Variants in RYR2 observed in about 807,000 individuals in gnomAD.
RYR2 encodes cardiac muscle ryanodine receptor-calcium release channel.
RYR2 carries 227 observed loss-of-function variants against 601.1 expected under a neutral mutation model. That is an observed-to-expected ratio of 0.38 (90% CI 0.34 to 0.42). RYR2 has a LOEUF of 0.42. Ranked by LOEUF, RYR2 falls within the 10% of genes least tolerant of loss-of-function variation. The pLI is 1.00. For missense variants in RYR2, 4,646 were observed against 6,156.5 expected (o/e 0.75, Z 8.21); for synonymous variants, 2,223 against 2,175.1 (o/e 1.02, Z -0.61).
At position 237,125,935 on chromosome 1, in the gene RYR2, T is replaced by A. The variant is rs139696381; in HGVS notation, c.48+83366T>A. On this transcript the variant is annotated intron_variant, in intron 1 of 104. Transcript: ENST00000366574. ...AATATCCGTTTTTAAAGTGCCACTA[T>A]CTCTAATGTACAAAACTGAGGCCGG... 1.9e-4 allele frequency among the ~76,000 whole-genome samples: 29 copies of A among 152,350 alleles called. No homozygotes were observed. In the East Asian group the frequency reaches 5.2e-3, roughly 27 times the overall value.
At chr1:237,695,460 G>GGTCC (rs1399397065) in intron 63 of RYR2, among the ~76,000 whole-genome samples, 2 of 152,134 alleles carry the variant, frequency 1.3e-5, no homozygotes, top group African/African-American at 2.4e-5. Context: ...AATACTGTGA[G>GGTCC]TTGAAAAGTA....
chr1:237,828,308 T>TG lies in RYR2; in HGVS notation c.14591-67dup, dbSNP rs554460933. On this transcript the variant is annotated intron_variant, in intron 101 of 104. Coordinates refer to ENST00000366574, the MANE Select transcript of RYR2 (RefSeq NM_001035.3). ...GGTAGTTGTACATCTCCCCTTTCCC[T>TG]GGGGGGATTAGCCAAGGAACTGAAT... 7 of 1,077,462 alleles carry TG rather than the reference T, an allele frequency of 6.5e-6. No individual in the cohort carries two copies. In the Admixed American group the frequency reaches 1.0e-4, roughly 16 times the overall value. 66.7% of individuals were successfully genotyped at this position (1,077,462 alleles called of 1,614,324 possible).
intron 8 of RYR2, among the ~76,000 whole-genome samples, chr1:237,380,015 A>T (rs988250902): frequency 1.3e-5 from 2 of 152,158 alleles, no homozygotes; most frequent in African/African-American, 4.8e-5. Flanking sequence ...CAAATCAAAC[A>T]CATACAGAGC....
At chr1:237,349,417 A>G (rs1177598376) in intron 3 of RYR2, among the ~76,000 whole-genome samples, 5 of 152,190 alleles carry the variant, frequency 3.3e-5, no homozygotes, top group African/African-American at 9.6e-5. Flanking sequence ...GATAATTTAG[A>G]TACAGGAGAT....
intron 1 of RYR2, among the ~76,000 whole-genome samples, chr1:237,144,354 G>A (rs748174809): frequency 1.3e-5 from 2 of 152,136 alleles, no homozygotes; most frequent in African/African-American, 4.8e-5. Flanking sequence ...GACCATTGGT[G>A]TTAACTCATT....
At chr1:237,746,579 G>A (rs926433725) in intron 80 of RYR2, among the ~76,000 whole-genome samples, 1 of 151,874 alleles carries the variant, frequency 6.6e-6, no homozygotes, top group Admixed American at 6.6e-5. Flanking sequence ...AAATTAAAAC[G>A]TGCCTGATTT....
chr1:237,399,950 C>T (rs1360793568), intron 10 of RYR2, among the ~76,000 whole-genome samples: 1 of 152,042 alleles, frequency 6.6e-6, no homozygotes, highest in African/African-American at 2.4e-5. Flanking sequence ...AAGAAGTTAA[C>T]AGGCTAAACC....
intron 9 of RYR2, 144 bp from the exon 10 acceptor site, chr1:237,387,941 GTC>G (rs67140198): frequency 1.5e-6 from 1 of 686,982 alleles, no homozygotes; most frequent in Admixed American, 2.5e-5. Flanking sequence ...AGCAGGCACT[GTC>G]TATCTCTGTG....
rs537424639 is a variant in RYR2 at position 237,770,253 on chromosome 1, G to A, written c.11477-554G>A. 5.9e-5 allele frequency among the ~76,000 whole-genome samples: 9 copies of A among 152,180 alleles called. No individual in the cohort carries two copies. In the East Asian group the frequency reaches 1.2e-3, roughly 20 times the overall value. ...TTTCAGAAATCTTTCTTTTTATTCA[G>A]TAGTCAACCTGATAACAAAGTTAAT... is the stretch of plus-strand genomic sequence containing the variant. On this transcript the variant is annotated intron_variant, in intron 84 of 104. Coordinates refer to ENST00000366574, the MANE Select transcript of RYR2 (RefSeq NM_001035.3).
At chr1:237,763,047 T>C (rs957866404) in intron 84 of RYR2, among the ~76,000 whole-genome samples, 3 of 152,234 alleles carry the variant, frequency 2.0e-5, no homozygotes, top group African/African-American at 7.2e-5. Flanking sequence ...ATTATTTAAT[T>C]TCCATCATTA....
At chr1:237,175,152 A>G (rs560589275) in intron 1 of RYR2, among the ~76,000 whole-genome samples, 1 of 152,324 alleles carries the variant, frequency 6.6e-6, no homozygotes, top group Non-Finnish European at 1.5e-5. Flanking sequence ...TAAAATGTTA[A>G]GTCTCATTAG....
chr1:237,377,488 A>T, intron 8 of RYR2, 53 bp downstream of exon 8: 1 of 1,331,198 alleles, frequency 7.5e-7, no homozygotes, highest in Non-Finnish European at 1.1e-6. Flanking sequence ...ATGACAAGTC[A>T]ATAAAATGAT....
intron 2 of RYR2, among the ~76,000 whole-genome samples, chr1:237,308,617 T>C (rs1185653118): frequency 6.6e-6 from 1 of 152,054 alleles, no homozygotes; most frequent in Non-Finnish European, 1.5e-5. Flanking sequence ...GTGTTCGGAG[T>C]TTCTTCCTTC....
chr1:237,661,786 TCGAC>T (rs1683825408), intron 56 of RYR2, among the ~76,000 whole-genome samples: 1 of 152,060 alleles, frequency 6.6e-6, no homozygotes, highest in Non-Finnish European at 1.5e-5. Flanking sequence ...TCAAGGGAGT[TCGAC>T]AAACAAGCAA....
intron 3 of RYR2, 59 bp from the exon 4 acceptor site, chr1:237,355,906 T>C (rs928333976): frequency 3.4e-6 from 5 of 1,453,292 alleles, no homozygotes; most frequent in Non-Finnish European, 4.7e-6. Context: ...ATGACAGTAA[T>C]TGAAACATTG....
In RYR2 at chr1:237,234,708, T is replaced by C. The variant is rs75461504; in HGVS notation, c.49-35789T>C. Reference sequence around the variant, plus strand: ...TATTCTGGACATTAGAAAATATTTGTAGATAGTTGATAAATTTTGCATAGA... The same window carrying C: ...TATTCTGGACATTAGAAAATATTTGCAGATAGTTGATAAATTTTGCATAGA... On this transcript the variant is annotated intron_variant, in intron 1 of 104. Coordinates refer to ENST00000366574, the MANE Select transcript of RYR2 (RefSeq NM_001035.3). 4.4e-3 allele frequency among the ~76,000 whole-genome samples: 672 copies of C among 152,308 alleles called. 35 individuals are homozygous for C. The East Asian group carries it at 0.1, about 23-fold the overall frequency.
chr1:237,669,133 C>A (rs893579973), intron 58 of RYR2, among the ~76,000 whole-genome samples: 2 of 139,700 alleles, frequency 1.4e-5, no homozygotes, highest in African/African-American at 2.5e-5. Context: ...CTTGCACCGT[C>A]CTTAATCCAT....
chr1:237,792,372 T>TGTGTGTGTGTGTGTGC, intron 94 of RYR2, 49 bp downstream of exon 94: 1 of 896,934 alleles, frequency 1.1e-6, no homozygotes, highest in South Asian at 1.7e-5. Flanking sequence ...TGTGTGTGTG[T>TGTGTGTGTGTGTGTGC]GTGTGTGTGC....
chr1:237,643,492 G>A (rs1237152674), intron 48 of RYR2, 45 bp downstream of exon 48: 20 of 1,611,674 alleles, frequency 1.2e-5, no homozygotes, highest in East Asian at 2.2e-5. Context: ...GATGTTGGAT[G>A]ACATCATGTT....
Sources: gnomAD v4.1 joint callset for allele counts (sites outside exome capture counted in the v4.1 genomes callset) on GRCh38, gnomAD v4.1.1 for gene constraint, MANE v1.5 for transcripts, NCBI Gene and HGNC (gene_info 2026-07-23, HGNC 2026-07-21) for gene names.